The following GNB1 variants were observed in gnomAD, a reference collection of about 807,000 sequenced individuals.
GNB1 encodes the protein G protein subunit beta 1, also known as guanine nucleotide-binding protein G(I)/G(S)/G(T) subunit beta-1.
GNB1 carries 2 observed loss-of-function variants against 42.9 expected under a neutral mutation model. The ratio of observed to expected loss-of-function variants is 0.05; its 90% CI spans 0.02 to 0.15. GNB1 has a LOEUF of 0.15. Ranked by LOEUF, GNB1 falls within the 10% of genes least tolerant of loss-of-function variation. The pLI, the probability that GNB1 is intolerant of heterozygous loss-of-function variation, is 1.00. For synonymous variants in GNB1, 183 were observed against 174.7 expected (o/e 1.05, Z -0.38); for missense variants, 193 against 462.2 (o/e 0.42, Z 5.34).
intron 5 of GNB1, among the ~76,000 whole-genome samples, chr1:1,815,329 G>C (rs889472703): frequency 1.3e-5 from 2 of 152,030 alleles, no homozygotes; most frequent in Non-Finnish European, 2.9e-5. Flanking sequence ...CAGGATCCTC[G>C]GGGCAGGTTC....
At chr1:1,822,704 A>G (rs1387097025) in intron 3 of GNB1, among the ~76,000 whole-genome samples, 1 of 152,144 alleles carries the variant, frequency 6.6e-6, no homozygotes, top group Non-Finnish European at 1.5e-5. Flanking sequence ...CCTGTGCAAG[A>G]AGGCCCTGGG....
chr1:1,860,721 AGAGG>A (rs966258053), intron 1 of GNB1, among the ~76,000 whole-genome samples: 16 of 151,740 alleles, frequency 1.1e-4, no homozygotes, highest in African/African-American at 3.9e-4. Flanking sequence ...TCAAAAAAAA[AGAGG>A]GAGGAAGAGT....
chr1:1,793,427 C>T, intron 7 of GNB1, 116 bp from the exon 8 acceptor site: 1 of 647,042 alleles, frequency 1.5e-6, no homozygotes, highest in Non-Finnish European at 2.9e-6. Context: ...AAGACCAGCA[C>T]CATGCTAGTG....
rs1458768957 is a variant in GNB1 at position 1,815,236 on chromosome 1, G to T, written c.203+520C>A. Among the ~76,000 whole-genome samples, 3 of 152,198 alleles carry T rather than the reference G, an allele frequency of 2.0e-5. No homozygotes were observed. In the East Asian group the frequency reaches 5.8e-4, roughly 29 times the overall value. ...GCCAGATGAGAGAATGGTGAGAGCA[G>T]CTCACAGCGCATTCCCGTGTGTCTG... On this transcript the variant is annotated intron_variant, in intron 5 of 11. Transcript: ENST00000378609.
At chr1:1,869,224 TA>T (rs1010927822) in intron 1 of GNB1, among the ~76,000 whole-genome samples, 63 of 150,174 alleles carry the variant, frequency 4.2e-4, no homozygotes, top group African/African-American at 1.5e-3. Flanking sequence ...ATAAGTTACT[TA>T]CAAAAAAGAA....
Position 1,826,761 on chromosome 1 carries a change from C to T in GNB1, c.-46-1262G>A, listed in dbSNP as rs144970333. 4.3e-3 allele frequency among the ~76,000 whole-genome samples: 649 copies of T among 152,298 alleles called. 3 individuals are homozygous for T. The highest frequency in any genetic ancestry group is 0.017 in the Middle Eastern group (5 of 294). On this transcript the variant is annotated intron_variant, in intron 2 of 11. Transcript: ENST00000378609. Reference sequence around the variant, plus strand: ...CCGCCCTGCCTTCTCGCCCTACTCACGTTAGACAATATTCCTGAAATCAAA... The same window carrying T: ...CCGCCCTGCCTTCTCGCCCTACTCATGTTAGACAATATTCCTGAAATCAAA...
At chr1:1,814,797 CAAAAAAAAAAA>C (rs66588627) in intron 5 of GNB1, among the ~76,000 whole-genome samples, 27 of 77,594 alleles carry the variant, frequency 3.5e-4, no homozygotes, top group African/African-American at 1.4e-3. Context: ...GACCCTGTCT[CAAAAAAAAAAA>C]AAAAAAAAAA....
rs878876712 is a variant in GNB1 at position 1,826,625 on chromosome 1, T to A, written c.-46-1126A>T. On this transcript the variant is annotated intron_variant, in intron 2 of 11. Transcript: ENST00000378609. ...CACACAGGGTGTGTCCAGCAGTTTT[T>A]TGGCTCAGGGACAACCCACTCTCCC... 3.3e-5 allele frequency among the ~76,000 whole-genome samples: 5 copies of A among 152,048 alleles called. 1 individual carries two copies. Among genetic ancestry groups the A allele is most frequent in the Admixed American group, 3.3e-4 (5 of 15,252 alleles).
At chr1:1,890,383 G>A (rs1233147481) in intron 1 of GNB1, 2 of 150,460 alleles carry the variant, frequency 1.3e-5, no homozygotes, top group African/African-American at 4.8e-5. Context: ...CGGCCCGCGC[G>A]GGGGCTCCGG....
At chr1:1,800,018 A>G (rs758888936) in intron 7 of GNB1, among the ~76,000 whole-genome samples, 12 of 152,252 alleles carry the variant, frequency 7.9e-5, no homozygotes, top group Non-Finnish European at 1.2e-4. Flanking sequence ...GCCACACAAG[A>G]AAGACAGAGA....
chr1:1,850,634 T>C (rs1426796274), intron 1 of GNB1, among the ~76,000 whole-genome samples: 1 of 152,060 alleles, frequency 6.6e-6, no homozygotes, highest in Non-Finnish European at 1.5e-5. Context: ...TTCTCGATCT[T>C]TTCACATATA....
chr1:1,890,671 C>A (rs1327387622), intron 1 of GNB1, 149 bp downstream of exon 1: 1 of 148,008 alleles, frequency 6.8e-6, no homozygotes, highest in African/African-American at 2.4e-5. Flanking sequence ...AGCCCCCGGC[C>A]CCCCCTTCGG....
chr1:1,866,399 G>T (rs1163458232), intron 1 of GNB1, among the ~76,000 whole-genome samples: 1 of 152,084 alleles, frequency 6.6e-6, no homozygotes, highest in African/African-American at 2.4e-5. Flanking sequence ...TATTCAAAAT[G>T]CCCAACCATT....
At chr1:1,795,305 C>G (rs1207886111) in intron 7 of GNB1, among the ~76,000 whole-genome samples, 1 of 152,180 alleles carries the variant, frequency 6.6e-6, no homozygotes, top group Non-Finnish European at 1.5e-5. Context: ...GAAGCACCCC[C>G]ACCCCGTCAG....
At chr1:1,869,044 G>A (rs374708363) in intron 1 of GNB1, among the ~76,000 whole-genome samples, 5 of 150,804 alleles carry the variant, frequency 3.3e-5, no homozygotes, top group South Asian at 2.1e-4. Context: ...AAAATTAGCC[G>A]GTGTGGTGGC....
At chr1:1,837,127 T>C (rs754571179) in intron 2 of GNB1, among the ~76,000 whole-genome samples, 3 of 152,210 alleles carry the variant, frequency 2.0e-5, no homozygotes, top group Non-Finnish European at 4.4e-5. Context: ...TTGAACAAAT[T>C]CAATTTATAA....
At chr1:1,836,502 C>T (rs1647152283) in intron 2 of GNB1, among the ~76,000 whole-genome samples, 1 of 151,174 alleles carries the variant, frequency 6.6e-6, no homozygotes, top group Admixed American at 6.6e-5. Flanking sequence ...AGTGATTCTC[C>T]CACCTCAGCC....
At chr1:1,864,186 G>A (rs996053237) in intron 1 of GNB1, among the ~76,000 whole-genome samples, 2 of 151,692 alleles carry the variant, frequency 1.3e-5, no homozygotes, top group African/African-American at 4.8e-5. Flanking sequence ...AGCCAGGCGT[G>A]GTGGCAGGCA....
chr1:1,886,037 C>T (rs1650135171), intron 1 of GNB1, among the ~76,000 whole-genome samples: 1 of 151,858 alleles, frequency 6.6e-6, no homozygotes, highest in South Asian at 2.1e-4. Context: ...TCCGGCAGGG[C>T]ACGGTGGCTC....
Sources: gnomAD v4.1 joint callset for allele counts (sites outside exome capture counted in the v4.1 genomes callset) on GRCh38, gnomAD v4.1.1 for gene constraint, MANE v1.5 for transcripts, NCBI Gene and HGNC (gene_info 2026-07-23, HGNC 2026-07-21) for gene names.